ROCK1: variants seen among roughly 807,000 people sequenced by gnomAD.
ROCK1 encodes Rho associated coiled-coil containing protein kinase 1, also known as rho-associated protein kinase 1.
ROCK1 carries 36 observed loss-of-function variants against 196.8 expected under a neutral mutation model. That is an observed-to-expected ratio of 0.18 (90% CI 0.14 to 0.24). The LOEUF is 0.24. Ranked by LOEUF, ROCK1 falls within the 10% of genes least tolerant of loss-of-function variation. The probability of loss-of-function intolerance (pLI) is 1.00; values close to 1 mark genes in which losing one functional copy is unlikely to be tolerated. For synonymous variants in ROCK1, 443 were observed against 515.9 expected (o/e 0.86, Z 1.91); for missense variants, 920 against 1,562.0 (o/e 0.59, Z 6.93).
intron 16 of ROCK1, among the ~76,000 whole-genome samples, chr18:21,000,778 T>C (rs1468996851): frequency 1.3e-5 from 2 of 152,144 alleles, no homozygotes; most frequent in Non-Finnish European, 2.9e-5. Flanking sequence ...GGCAGGGATA[T>C]GGAGAAACTG....
At chr18:21,031,200 T>C (rs967563088) in intron 9 of ROCK1, among the ~76,000 whole-genome samples, 3 of 152,136 alleles carry the variant, frequency 2.0e-5, no homozygotes, top group African/African-American at 7.2e-5. Flanking sequence ...ATCCAAAATG[T>C]CCCTCTTAGA....
In ROCK1 at chr18:21,042,584, A is replaced by G. The variant is rs753049123; in HGVS notation, c.801T>C (p.Phe267=). Residue 267 remains phenylalanine, a synonymous_variant, in exon 7 of 33, where the codon TTT becomes TTC. Transcript: ENST00000399799. ...ACTCACCTACAAGCATTTCGTATAA[A>G]AATACCCCAACCGACCACCAGTCAC... The part of the protein sequence containing the change: ...RECDWWSVGV[F]LYEMLVGDTP... 1.2e-6 allele frequency: 2 copies of G among 1,613,804 alleles called. No homozygotes were observed. Among genetic ancestry groups the G allele is most frequent in the East Asian group, 4.5e-5 (2 of 44,854 alleles).
chr18:21,086,082 A>G (rs1172785843), intron 1 of ROCK1, among the ~76,000 whole-genome samples: 2 of 150,750 alleles, frequency 1.3e-5, no homozygotes, highest in Admixed American at 1.3e-4. Context: ...CATGTCATAC[A>G]TTCTTTGGTT....
intron 1 of ROCK1, among the ~76,000 whole-genome samples, chr18:21,100,366 T>C (rs776348140): frequency 4.0e-5 from 6 of 149,916 alleles, no homozygotes; most frequent in Non-Finnish European, 5.9e-5. Flanking sequence ...AGGCAAGAAA[T>C]GTACAAGATG....
At chr18:21,048,411 A>G (rs1458691894) in intron 4 of ROCK1, among the ~76,000 whole-genome samples, 1 of 152,140 alleles carries the variant, frequency 6.6e-6, no homozygotes, top group Non-Finnish European at 1.5e-5. Flanking sequence ...ATGTTTGGGG[A>G]AAAAAATTCA....
In ROCK1 at chr18:20,946,949, TACAAGAA is replaced by T. The variant is rs2035133978; in HGVS notation, c.*4428_*4434del. On this transcript the variant is annotated 3_prime_UTR_variant, in exon 33 of 33. Coordinates refer to ENST00000399799, the MANE Select transcript of ROCK1 (RefSeq NM_005406.3). ...TTAATAGCCAAACCATCCTACATGG[TACAAGAA>T]ACCAATTTATAGGATTAACATACAA... 6.6e-6 allele frequency: 1 copy of T among 152,238 alleles called. No individual in the cohort carries two copies. The highest frequency in any genetic ancestry group is 2.4e-5 in the African/African-American group (1 of 41,454). 9.4% of individuals were successfully genotyped at this position (152,238 alleles called of 1,614,324 possible).
chr18:21,084,411 C>T (rs1355758893), intron 1 of ROCK1, among the ~76,000 whole-genome samples: 1 of 150,562 alleles, frequency 6.6e-6, no homozygotes. Flanking sequence ...TAGGGCACTC[C>T]TAAAATTCAA....
At chr18:21,030,192 A>G (rs1182694793) in intron 9 of ROCK1, among the ~76,000 whole-genome samples, 2 of 152,190 alleles carry the variant, frequency 1.3e-5, no homozygotes, top group African/African-American at 2.4e-5. Context: ...TGAAAACACT[A>G]AACAGTTGCC....
chr18:21,056,188 A>C (rs1412401365), intron 2 of ROCK1, among the ~76,000 whole-genome samples: 1 of 152,172 alleles, frequency 6.6e-6, no homozygotes, highest in Non-Finnish European at 1.5e-5. Flanking sequence ...GTGGGCTTTA[A>C]AAACCATCTA....
chr18:21,045,473 C>A lies in ROCK1; in HGVS notation c.415-6G>T. On this transcript the variant is annotated splice_region_variant and splice_polypyrimidine_tract_variant and intron_variant, in intron 4 of 32. Coordinates refer to ENST00000399799, the MANE Select transcript of ROCK1 (RefSeq NM_005406.3). ...TCTTGGAATGCATAAAAAAGCTATA[C>A]AAATAGAAAAAACAAACAAAACACA... 2.6e-6 allele frequency: 4 copies of A among 1,564,114 alleles called. No individual in the cohort carries two copies. Among genetic ancestry groups the A allele is most frequent in the Admixed American group, 2.0e-5 (1 of 51,106 alleles).
intron 1 of ROCK1, among the ~76,000 whole-genome samples, chr18:21,094,451 C>G (rs1031322324): frequency 6.6e-6 from 1 of 152,056 alleles, no homozygotes; most frequent in Non-Finnish European, 1.5e-5. Flanking sequence ...GGCAAAGGAT[C>G]TGAATAGACA....
At chr18:21,056,313 G>T (rs1731474129) in intron 2 of ROCK1, among the ~76,000 whole-genome samples, 1 of 152,062 alleles carries the variant, frequency 6.6e-6, no homozygotes, top group African/African-American at 2.4e-5. Context: ...CAAATTTAAT[G>T]TGCCAAAAAC....
At chr18:21,110,247 T>C (rs192148178) in intron 1 of ROCK1, among the ~76,000 whole-genome samples, 3 of 152,302 alleles carry the variant, frequency 2.0e-5, no homozygotes, top group Admixed American at 2.0e-4. Context: ...ACACTGTAAT[T>C]ACCTATGACC....
At position 20,979,918 on chromosome 18, in the gene ROCK1, T is replaced by G. The variant is rs1245493332; in HGVS notation, c.2646A>C (p.Gln882His). ...AAGTAAAATGGACATACTTTTCATT[T>G]TGTAGTTCCTGTATTTTCTTTAAAT... Reference protein sequence around the residue: ...RENLKKIQELQNEKETLATQL... With the variant: ...RENLKKIQELHNEKETLATQL... The change falls in exon 22 of 33, where the codon CAA becomes CAC. Residue 882 changes from glutamine to histidine, a missense_variant. Around this residue, in one of 6 missense-constraint regions of ROCK1, gnomAD observed 520 missense variants for 657.1 expected, o/e 0.79. Coordinates refer to ENST00000399799, the MANE Select transcript of ROCK1 (RefSeq NM_005406.3). 1 of 1,536,028 alleles carries G rather than the reference T, an allele frequency of 6.5e-7. No individual in the cohort carries two copies. Among genetic ancestry groups the G allele is most frequent in the South Asian group, 1.2e-5 (1 of 81,072 alleles).
At position 20,953,107 on chromosome 18, in the gene ROCK1, G is replaced by A. The variant is rs147863756; in HGVS notation, c.4061+471C>T. ...CTGCATGTTCTGCACATATATCCCAGAACTTAAAGTATAATAATTAAAAAA... is the reference window on the plus strand; with the variant it reads ...CTGCATGTTCTGCACATATATCCCAAAACTTAAAGTATAATAATTAAAAAA... On this transcript the variant is annotated intron_variant, in intron 32 of 32. Coordinates refer to ENST00000399799, the MANE Select transcript of ROCK1 (RefSeq NM_005406.3). Among the ~76,000 whole-genome samples the A allele has an allele frequency of 9.2e-3, 1,400 of 151,976 alleles. 19 individuals are homozygous for A. Among genetic ancestry groups the A allele is most frequent in the African/African-American group, 0.032 (1,346 of 41,442 alleles).
chr18:21,083,119 G>A (rs1192553520), intron 1 of ROCK1, among the ~76,000 whole-genome samples: 3 of 151,940 alleles, frequency 2.0e-5, no homozygotes, highest in African/African-American at 7.3e-5. Context: ...TAATACTGAA[G>A]AATAAATTTA....
intron 9 of ROCK1, among the ~76,000 whole-genome samples, chr18:21,031,585 A>G (rs1765981222): frequency 6.8e-6 from 1 of 147,252 alleles, no homozygotes; most frequent in South Asian, 2.2e-4. Flanking sequence ...AGCCTGGGCA[A>G]CAGAGCGAGA....
chr18:21,076,016 AGAG>A (rs1445131689), intron 1 of ROCK1, among the ~76,000 whole-genome samples: 1 of 152,048 alleles, frequency 6.6e-6, no homozygotes, highest in African/African-American at 2.4e-5. Context: ...AGGAGGACAC[AGAG>A]AAGAAAGACA....
At chr18:20,993,233 T>C (rs1437982295) in intron 16 of ROCK1, among the ~76,000 whole-genome samples, 1 of 152,074 alleles carries the variant, frequency 6.6e-6, no homozygotes, top group Non-Finnish European at 1.5e-5. Flanking sequence ...AGACGGAGTC[T>C]CGCTCTGTTG....
Sources: gnomAD v4.1 joint callset for allele counts (sites outside exome capture counted in the v4.1 genomes callset) on GRCh38, gnomAD v4.1.1 for gene constraint, gnomAD v4.1.1 regional missense constraint, MANE v1.5 for transcripts, NCBI Gene and HGNC (gene_info 2026-07-23, HGNC 2026-07-21) for gene names.